The following HDAC9 variants were observed in gnomAD, a reference collection of about 807,000 sequenced individuals.
HDAC9 encodes the protein histone deacetylase 9, also known as MEF-2 interacting transcription repressor (MITR) protein.
Under a neutral mutation model 139.4 loss-of-function variants are expected in HDAC9, and 41 were observed. The ratio of observed to expected loss-of-function variants is 0.29; its 90% CI spans 0.23 to 0.38. The LOEUF is 0.38. Ranked by LOEUF, HDAC9 falls within the 10% of genes least tolerant of loss-of-function variation. The probability of loss-of-function intolerance (pLI) is 1.00; values close to 1 mark genes in which losing one functional copy is unlikely to be tolerated. For synonymous variants in HDAC9, 517 were observed against 476.2 expected (o/e 1.09, Z -1.12); for missense variants, 1,147 against 1,297.0 (o/e 0.88, Z 1.78).
chr7:18,695,786 C>G (rs1782998983), intron 12 of HDAC9, among the ~76,000 whole-genome samples: 1 of 152,142 alleles, frequency 6.6e-6, no homozygotes, highest in Non-Finnish European at 1.5e-5. Flanking sequence ...TAAGAAAAAT[C>G]TATACCTAGA....
At chr7:18,853,600 A>G (rs1797459394) in intron 21 of HDAC9, among the ~76,000 whole-genome samples, 1 of 152,184 alleles carries the variant, frequency 6.6e-6, no homozygotes, top group Admixed American at 6.5e-5. Flanking sequence ...AGAATTAAGC[A>G]TGTGCCATCT....
chr7:18,386,830 C>G (rs1785979625), intron 1 of HDAC9, among the ~76,000 whole-genome samples: 1 of 152,226 alleles, frequency 6.6e-6, no homozygotes, highest in African/African-American at 2.4e-5. Context: ...CTGAATTCCA[C>G]TAATGGAATT....
chr7:18,087,380 G>A (rs1781866232), intron 1 of HDAC9, among the ~76,000 whole-genome samples: 1 of 152,166 alleles, frequency 6.6e-6, no homozygotes, highest in Admixed American at 6.5e-5. Context: ...TCGCAGCCCG[G>A]AGACCGGTGG....
chr7:18,466,074 T>C (rs886780393), intron 1 of HDAC9, among the ~76,000 whole-genome samples: 2 of 152,224 alleles, frequency 1.3e-5, no homozygotes. Context: ...AGCTTGTTGC[T>C]CATGCAAGTT....
At chr7:18,423,492 C>G (rs1789833166) in intron 1 of HDAC9, among the ~76,000 whole-genome samples, 1 of 152,196 alleles carries the variant, frequency 6.6e-6, no homozygotes, top group South Asian at 2.1e-4. Flanking sequence ...GCACTATTTT[C>G]ATTTTCTATA....
intron 6 of HDAC9, among the ~76,000 whole-genome samples, chr7:18,618,738 A>G (rs1324105459): frequency 3.0e-5 from 3 of 99,258 alleles, no homozygotes; most frequent in South Asian, 3.2e-4. Context: ...ATATATATAT[A>G]TATATATATA....
At chr7:18,483,895 A>G (rs899099024) in intron 1 of HDAC9, among the ~76,000 whole-genome samples, 9 of 152,166 alleles carry the variant, frequency 5.9e-5, no homozygotes, top group South Asian at 2.1e-4. Flanking sequence ...TCTGTTTTCT[A>G]TCAACTGATT....
chr7:18,758,365 A>G (rs1222848350), intron 14 of HDAC9, among the ~76,000 whole-genome samples: 1 of 152,184 alleles, frequency 6.6e-6, no homozygotes, highest in Non-Finnish European at 1.5e-5. Flanking sequence ...GATTATCAGA[A>G]AACTTTAGCC....
intron 22 of HDAC9, among the ~76,000 whole-genome samples, chr7:18,916,022 G>GAAAAAAAAAAAAAAAAAAAAAAAAAAAAA (rs55866735): frequency 7.2e-6 from 1 of 138,122 alleles, no homozygotes; most frequent in African/African-American, 2.6e-5. Context: ...CCCCCCGCTG[G>GAAAAAAAAAAAAAAAAAAAAAAAAAAAAA]AAAAAAAAAA....
At chr7:18,581,427 G>C (rs1827797445) in intron 2 of HDAC9, among the ~76,000 whole-genome samples, 1 of 152,252 alleles carries the variant, frequency 6.6e-6, no homozygotes, top group Middle Eastern at 3.4e-3. Context: ...AGCAGGTTAA[G>C]AAGTCAAATT....
Position 18,666,268 on chromosome 7 carries a change from C to G in HDAC9, c.1523C>G (p.Ala508Gly). The part of the protein sequence containing the change: ...LKQPGSHLEE[A>G]EEELQGDQAM... ...CAACCAGGCAGTCACCTTGAGGAAG[C>G]AGAGGAAGAGCTTCAGGGGGACCAG... Residue 508 changes from alanine (A) to glycine (G), a missense_variant, in exon 12 of 26, where the codon GCA becomes GGA. This residue lies in a region of HDAC9 where 256 missense variants were observed against 219.2 expected (regional missense o/e 1.17). Coordinates refer to ENST00000686413, the MANE Select transcript of HDAC9 (RefSeq NM_178425.4). 1 of 1,613,366 alleles carries G rather than the reference C, an allele frequency of 6.2e-7. No homozygotes were observed. The highest frequency in any genetic ancestry group is 8.5e-7 in the Non-Finnish European group (1 of 1,179,536).
chr7:18,958,627 C>T (rs369376375), intron 24 of HDAC9, among the ~76,000 whole-genome samples: 7 of 152,076 alleles, frequency 4.6e-5, no homozygotes, highest in South Asian at 2.1e-4. Context: ...TTTTAATTGC[C>T]GTATCTTTTG....
chr7:18,800,272 A>G (rs1366103516), intron 17 of HDAC9, among the ~76,000 whole-genome samples: 1 of 152,200 alleles, frequency 6.6e-6, no homozygotes, highest in Non-Finnish European at 1.5e-5. Context: ...CTTCAACTTT[A>G]TAAGAGGTCT....
At position 18,096,772 on chromosome 7, in the gene HDAC9, G is replaced by A. The variant is rs188098407; in HGVS notation, c.-97+9559G>A. Reference sequence around the variant, plus strand: ...TTTCCTATTGCTCTGTGACTCAAAGGCAGGGACTATTTTGTTTTAATCTGT... The same window carrying A: ...TTTCCTATTGCTCTGTGACTCAAAGACAGGGACTATTTTGTTTTAATCTGT... On this transcript the variant is annotated intron_variant, in intron 1 of 12. Transcript: ENST00000417496. 3.7e-3 allele frequency among the ~76,000 whole-genome samples: 562 copies of A among 152,236 alleles called. 4 individuals carry two copies. The highest frequency in any genetic ancestry group is 5.6e-3 in the Non-Finnish European group (380 of 68,020).
chr7:18,913,738 A>AATCG (rs1409981769), intron 22 of HDAC9, among the ~76,000 whole-genome samples: 2 of 78,218 alleles, frequency 2.6e-5, no homozygotes, highest in African/African-American at 6.6e-5. Flanking sequence ...TTAAAAAGAT[A>AATCG]ATATATTGAC....
Position 18,404,858 on chromosome 7 carries a change from A to G in HDAC9, c.-41-91404A>G, listed in dbSNP as rs915495511. ...ATAAAAAGAAAGATTAATAAAAAGA[A>G]GTACGATTATTGTTTATCTGATTAT... On this transcript the variant is annotated intron_variant, in intron 1 of 3. Transcript: ENST00000413509. 1.1e-4 allele frequency among the ~76,000 whole-genome samples: 16 copies of G among 152,228 alleles called. 1 individual carries two copies. Among genetic ancestry groups the G allele is most frequent in the Admixed American group, 9.8e-4 (15 of 15,288 alleles).
chr7:18,809,160 C>G (rs377635561), intron 17 of HDAC9, among the ~76,000 whole-genome samples: 1 of 152,074 alleles, frequency 6.6e-6, no homozygotes, highest in South Asian at 2.1e-4. Context: ...AAATTGGATC[C>G]TCACTTAATA....
In HDAC9 at chr7:18,241,281, A is replaced by G. The variant is rs191900001; in HGVS notation, c.25+78932A>G. Among the ~76,000 whole-genome samples, 4 of 152,376 alleles carry G rather than the reference A, an allele frequency of 2.6e-5. No homozygotes were observed. The East Asian group carries it at 7.7e-4, about 29-fold the overall frequency. On this transcript the variant is annotated intron_variant, in intron 2 of 12. Transcript: ENST00000417496. ...AAAGCCTATCTTTTTGCAAATGAAA[A>G]TGTGATCTAATGGTCTCTTTGTGAA...
intron 1 of HDAC9, among the ~76,000 whole-genome samples, chr7:18,441,868 C>T (rs1034808328): frequency 6.6e-6 from 1 of 152,056 alleles, no homozygotes; most frequent in African/African-American, 2.4e-5. Context: ...CCCGGGTTCA[C>T]GCCATTCTCC....
Sources: allele counts gnomAD v4.1 joint callset (sites outside exome capture counted in the v4.1 genomes callset), GRCh38; gene constraint gnomAD v4.1.1; regional missense constraint gnomAD v4.1.1; transcripts MANE v1.5; gene names NCBI Gene and HGNC (gene_info 2026-07-23, HGNC 2026-07-21).